PPARGC1A: variants seen among roughly 807,000 people sequenced by gnomAD.
PPARGC1A encodes peroxisome proliferator-activated receptor gamma coactivator 1-alpha.
PPARGC1A carries 25 observed loss-of-function variants against 88.7 expected under a neutral mutation model. That is an observed-to-expected ratio of 0.28 (90% CI 0.21 to 0.39). PPARGC1A has a LOEUF of 0.39. PPARGC1A is among the 10% of genes least tolerant of loss of function. The pLI is 1.00. For missense variants in PPARGC1A, 880 were observed against 968.7 expected (o/e 0.91, Z 1.22); for synonymous variants, 363 against 355.6 (o/e 1.02, Z -0.24).
chr4:24,381,605 G>A, the PPARGC1A span, among the ~76,000 whole-genome samples: 1 of 152,264 alleles, frequency 6.6e-6, no homozygotes, highest in Admixed American at 6.5e-5. Context: ...TGTTTTGCTA[G>A]CACAAAAAAA....
the PPARGC1A span, among the ~76,000 whole-genome samples, chr4:24,166,878 A>G: frequency 1.3e-5 from 2 of 152,226 alleles, no homozygotes; most frequent in Non-Finnish European, 2.9e-5. Context: ...ATATAAATAT[A>G]CAATGCTTCT....
the PPARGC1A span, among the ~76,000 whole-genome samples, chr4:24,385,956 C>A: frequency 2.0e-5 from 3 of 152,126 alleles, no homozygotes; most frequent in South Asian, 2.1e-4. Flanking sequence ...AAATTTCAGG[C>A]CAATACCCCT....
chr4:24,441,893 A>G, the PPARGC1A span, among the ~76,000 whole-genome samples: 1 of 152,268 alleles, frequency 6.6e-6, no homozygotes, highest in African/African-American at 2.4e-5. Flanking sequence ...AAAGCTACAA[A>G]TGCAAAATGC....
the PPARGC1A span, among the ~76,000 whole-genome samples, chr4:24,205,056 C>G: frequency 5.3e-5 from 8 of 152,154 alleles, no homozygotes; most frequent in Admixed American, 2.0e-4. Context: ...AACTTCTGAC[C>G]TCAAGTGATC....
intron 2 of PPARGC1A, among the ~76,000 whole-genome samples, chr4:23,843,655 C>A (rs1727463773): frequency 6.6e-6 from 1 of 151,986 alleles, no homozygotes; most frequent in Non-Finnish European, 1.5e-5. Flanking sequence ...TAAGCCTACA[C>A]AATGTAGAAA....
At chr4:24,118,905 G>GAA in the PPARGC1A span, among the ~76,000 whole-genome samples, 37 of 150,434 alleles carry the variant, frequency 2.5e-4, no homozygotes, top group South Asian at 6.1e-3. Flanking sequence ...GCTCCAACCT[G>GAA]AAAAAAAAAT....
the PPARGC1A span, among the ~76,000 whole-genome samples, chr4:24,231,026 A>G: frequency 4.6e-5 from 7 of 152,086 alleles, no homozygotes; most frequent in Non-Finnish European, 7.4e-5. Context: ...ACAACTTTAT[A>G]ATCTGAGAGC....
the PPARGC1A span, among the ~76,000 whole-genome samples, chr4:24,120,366 G>A: frequency 2.0e-5 from 3 of 152,164 alleles, no homozygotes; most frequent in East Asian, 3.9e-4. Flanking sequence ...CAATAACTCT[G>A]CAAACTCTGG....
the PPARGC1A span, among the ~76,000 whole-genome samples, chr4:24,069,431 A>T: frequency 7.1e-3 from 1,089 of 152,330 alleles, 3 homozygotes; most frequent in Non-Finnish European, 0.011. Context: ...ACTTTTCTAG[A>T]CATTGAGTCT....
the PPARGC1A span, among the ~76,000 whole-genome samples, chr4:23,966,985 G>T: frequency 2.0e-5 from 3 of 152,130 alleles, no homozygotes; most frequent in African/African-American, 7.2e-5. Flanking sequence ...AGAAATCTCT[G>T]TCCCTGCCTA....
chr4:24,034,701 A>ACATG, the PPARGC1A span, among the ~76,000 whole-genome samples: 2 of 152,190 alleles, frequency 1.3e-5, no homozygotes, highest in Non-Finnish European at 2.9e-5. Flanking sequence ...CTCCATTTTT[A>ACATG]CATGCTAGAT....
chr4:24,345,427 G>A, the PPARGC1A span, among the ~76,000 whole-genome samples: 3 of 152,012 alleles, frequency 2.0e-5, no homozygotes, highest in Non-Finnish European at 2.9e-5. Flanking sequence ...TGTCATCCAC[G>A]ATTTCTTTCA....
chr4:24,030,055 G>A, the PPARGC1A span, among the ~76,000 whole-genome samples: 1 of 152,158 alleles, frequency 6.6e-6, no homozygotes, highest in South Asian at 2.1e-4. Context: ...GAAATAGAGA[G>A]ACTCTACTGT....
chr4:24,109,377 T>G, the PPARGC1A span, among the ~76,000 whole-genome samples: 1 of 151,306 alleles, frequency 6.6e-6, no homozygotes, highest in South Asian at 2.1e-4. Flanking sequence ...TCCATAAGAA[T>G]GCAACTTCTG....
chr4:23,955,844 T>C, the PPARGC1A span, among the ~76,000 whole-genome samples: 2 of 152,102 alleles, frequency 1.3e-5, no homozygotes, highest in Non-Finnish European at 2.9e-5. Context: ...TAAATAGCCA[T>C]GTTAGAACAA....
At chr4:24,344,255 G>T in the PPARGC1A span, among the ~76,000 whole-genome samples, 3,293 of 152,156 alleles carry the variant, frequency 0.022, 47 homozygotes, top group Admixed American at 0.05. Flanking sequence ...TTTCCTCTGG[G>T]TAGATACCCA....
At chr4:24,208,215 T>C in the PPARGC1A span, among the ~76,000 whole-genome samples, 1 of 151,860 alleles carries the variant, frequency 6.6e-6, no homozygotes. Context: ...CCTTGGAGTG[T>C]GAGGCTGCAG....
the PPARGC1A span, among the ~76,000 whole-genome samples, chr4:24,308,883 G>A: frequency 3.9e-5 from 6 of 152,178 alleles, no homozygotes; most frequent in South Asian, 1.2e-3. Flanking sequence ...TGGGATGGGG[G>A]TAAAATCTCA....
the PPARGC1A span, among the ~76,000 whole-genome samples, chr4:24,016,434 CA>C: frequency 6.6e-6 from 1 of 152,270 alleles, no homozygotes; most frequent in African/African-American, 2.4e-5. Flanking sequence ...GTTTTATAAA[CA>C]TACATGAAAA....
Sources: gnomAD v4.1 joint callset for allele counts (sites outside exome capture counted in the v4.1 genomes callset) on GRCh38, gnomAD v4.1.1 for gene constraint, MANE v1.5 for transcripts, NCBI Gene and HGNC (gene_info 2026-07-23, HGNC 2026-07-21) for gene names.